The following DSCAML1 variants were observed in gnomAD, a reference collection of about 807,000 sequenced individuals.
DSCAML1 encodes the protein cell adhesion molecule DSCAML1.
A neutral mutation model predicts 200.5 loss-of-function variants in DSCAML1; 38 were observed. The ratio of observed to expected loss-of-function variants is 0.19; its 90% CI spans 0.15 to 0.25. DSCAML1 has a LOEUF of 0.25. DSCAML1 is among the 10% of genes least tolerant of loss of function. DSCAML1 has a pLI of 1.00. For missense variants in DSCAML1, 2,223 were observed against 2,858.8 expected (o/e 0.78, Z 5.07); for synonymous variants, 1,215 against 1,165.0 (o/e 1.04, Z -0.87).
intron 3 of DSCAML1, among the ~76,000 whole-genome samples, chr11:117,701,680 A>G (rs55945170): frequency 0.027 from 4,058 of 152,284 alleles, 80 homozygotes; most frequent in Non-Finnish European, 0.031. Flanking sequence ...TCAAACAAAA[A>G]TGCCGTGTCA....
chr11:117,811,436 T>A (rs1238208444), intron 1 of DSCAML1, among the ~76,000 whole-genome samples: 2 of 152,282 alleles, frequency 1.3e-5, no homozygotes, highest in East Asian at 3.9e-4. Flanking sequence ...AAAGTTGCAA[T>A]TCCTTACCTC....
In DSCAML1 at chr11:117,432,398, C is replaced by A. The variant is rs1442093461; in HGVS notation, c.5133G>T (p.Gln1711His). Residue 1711 changes from glutamine to histidine, a missense_variant, in exon 30 of 33, where the codon CAG becomes CAT. Gln to His is a conservative substitution (Grantham distance 24). Around this residue, in one of 7 missense-constraint regions of DSCAML1, gnomAD observed 614 missense variants for 739.1 expected, o/e 0.83. Coordinates refer to ENST00000651296, the MANE Select transcript of DSCAML1 (RefSeq NM_020693.4). Reference sequence around the variant, plus strand: ...ACATGTCGATGAGGGGTCCTGTGCTCTGGATGAGGGTTGGGTGGTGCAAGG... The same window carrying A: ...ACATGTCGATGAGGGGTCCTGTGCTATGGATGAGGGTTGGGTGGTGCAAGG... ...GVSLHHPTLI[Q>H]STGPLIDMSD... 11 of 1,614,102 alleles carry A rather than the reference C, an allele frequency of 6.8e-6. No homozygotes were observed. The highest frequency in any genetic ancestry group is 9.3e-6 in the Non-Finnish European group (11 of 1,180,036).
chr11:117,584,677 G>A (rs1478709259), intron 3 of DSCAML1, among the ~76,000 whole-genome samples: 1 of 152,196 alleles, frequency 6.6e-6, no homozygotes, highest in Non-Finnish European at 1.5e-5. Flanking sequence ...CAGCCACTTT[G>A]GTTGGTTTTG....
chr11:117,548,273 A>G (rs1300358667), intron 3 of DSCAML1, among the ~76,000 whole-genome samples: 1 of 152,186 alleles, frequency 6.6e-6, no homozygotes, highest in Non-Finnish European at 1.5e-5. Context: ...CCCCTCTAAC[A>G]GTCAAGGAAG....
chr11:117,496,711 A>G (rs2049295545), intron 11 of DSCAML1, among the ~76,000 whole-genome samples: 1 of 152,212 alleles, frequency 6.6e-6, no homozygotes, highest in Non-Finnish European at 1.5e-5. Flanking sequence ...ACCACTGGCT[A>G]AGGCCTCTAA....
At chr11:117,476,285 G>A (rs979350901) in intron 14 of DSCAML1, among the ~76,000 whole-genome samples, 1 of 152,150 alleles carries the variant, frequency 6.6e-6, no homozygotes, top group African/African-American at 2.4e-5. Flanking sequence ...TAGAGGGGAC[G>A]CAGCTTGGAG....
In DSCAML1 at chr11:117,524,892, A is replaced by T. The variant is rs2049947325; in HGVS notation, c.850T>A (p.Leu284Met). The T allele has an allele frequency of 1.2e-6, 2 of 1,612,898 alleles. No homozygotes were observed. The highest frequency in any genetic ancestry group is 1.7e-6 in the Non-Finnish European group (2 of 1,179,620). The change falls in exon 5 of 33, where the codon TTG becomes ATG. Residue 284 changes from leucine (L) to methionine (M), a missense_variant. By Grantham distance (15) the Leu-to-Met change is conservative. Transcript: ENST00000651296. ...TAGGTGCCGCTGTCCTCGGTCCGCA[A>T]GTCGCTGATGGTCAGCCCTGTGATG... ...KRITGLTISD[L>M]RTEDSGTYIC...
At chr11:117,751,038 T>TC (rs1349423629) in intron 3 of DSCAML1, among the ~76,000 whole-genome samples, 2 of 152,128 alleles carry the variant, frequency 1.3e-5, no homozygotes, top group African/African-American at 4.8e-5. Flanking sequence ...TTCTGAGGTT[T>TC]CCATTGGGGG....
chr11:117,461,646 G>C, intron 17 of DSCAML1, 50 bp from the exon 18 acceptor site: 1 of 1,563,678 alleles, frequency 6.4e-7, no homozygotes, highest in Non-Finnish European at 8.7e-7. Context: ...ATGGATGTGA[G>C]TGACAGTACA....
At chr11:117,567,388 T>C (rs1412771792) in intron 3 of DSCAML1, among the ~76,000 whole-genome samples, 1 of 152,128 alleles carries the variant, frequency 6.6e-6, no homozygotes, top group Non-Finnish European at 1.5e-5. Flanking sequence ...TTTTGAGAAG[T>C]GTCTGTTCAT....
At chr11:117,493,135 A>G (rs2049219721) in intron 11 of DSCAML1, among the ~76,000 whole-genome samples, 1 of 152,072 alleles carries the variant, frequency 6.6e-6, no homozygotes. Context: ...TGGACTGCAG[A>G]GCTGTTTCTG....
In DSCAML1 at chr11:117,465,119, T is replaced by C. The variant is rs1273061337; in HGVS notation, c.3088A>G (p.Ser1030Gly). ...RGYQIGYREN[S>G]PGSNGQYSIV... is the part of the protein sequence containing the mutation. Reference sequence around the variant, plus strand: ...CTGTACTGCCCGTTGCTGCCGGGGCTGTTCTCTCTGTAGCCAATCTGGTAG... The same window carrying C: ...CTGTACTGCCCGTTGCTGCCGGGGCCGTTCTCTCTGTAGCCAATCTGGTAG... The change falls in exon 17 of 33, where the codon AGC becomes GGC. Residue 1030 changes from serine to glycine, a missense_variant. Around this residue, in one of 7 missense-constraint regions of DSCAML1, gnomAD observed 438 missense variants for 629.7 expected, o/e 0.70. Coordinates refer to ENST00000651296, the MANE Select transcript of DSCAML1 (RefSeq NM_020693.4). 6.2e-7 allele frequency: 1 copy of C among 1,614,132 alleles called. No individual in the cohort carries two copies. The highest frequency in any genetic ancestry group is 2.2e-5 in the East Asian group (1 of 44,874).
At chr11:117,708,844 G>C (rs866906098) in intron 3 of DSCAML1, among the ~76,000 whole-genome samples, 1 of 152,270 alleles carries the variant, frequency 6.6e-6, no homozygotes, top group South Asian at 2.1e-4. Context: ...AGTACAAAGT[G>C]GGGGGTGGGA....
intron 3 of DSCAML1, among the ~76,000 whole-genome samples, chr11:117,759,573 G>A (rs1364966039): frequency 6.6e-6 from 1 of 151,996 alleles, no homozygotes; most frequent in Non-Finnish European, 1.5e-5. Flanking sequence ...TTGGGAGTAG[G>A]CTTCTCCATG....
intron 3 of DSCAML1, among the ~76,000 whole-genome samples, chr11:117,747,317 G>T (rs1304251888): frequency 6.6e-6 from 1 of 152,122 alleles, no homozygotes; most frequent in Non-Finnish European, 1.5e-5. Flanking sequence ...CTTGGGAGCG[G>T]GTTTCTTCAA....
intron 3 of DSCAML1, among the ~76,000 whole-genome samples, chr11:117,704,091 A>G (rs776862758): frequency 6.6e-6 from 1 of 150,576 alleles, no homozygotes; most frequent in Non-Finnish European, 1.5e-5. Flanking sequence ...GAAGAAGGAG[A>G]AAGTATGAGA....
In DSCAML1 at chr11:117,567,226, C is replaced by A. The variant is rs535747615; in HGVS notation, c.512-34704G>T. Among the ~76,000 whole-genome samples the A allele has an allele frequency of 9.8e-5, 15 of 152,300 alleles. No individual in the cohort carries two copies. In the South Asian group the frequency reaches 1.5e-3, roughly 15 times the overall value. ...TAAAAGTGTTCTTATTTCTCCACAT[C>A]CTCTCCAGCACCTGTTGTTTCCTGA... is the stretch of plus-strand genomic sequence containing the variant. On this transcript the variant is annotated intron_variant, in intron 3 of 32. Coordinates refer to ENST00000651296, the MANE Select transcript of DSCAML1 (RefSeq NM_020693.4).
chr11:117,656,646 G>C (rs2052742807), intron 3 of DSCAML1, among the ~76,000 whole-genome samples: 1 of 152,150 alleles, frequency 6.6e-6, no homozygotes, highest in African/African-American at 2.4e-5. Context: ...AGGCTTAGTA[G>C]GGTTAAGAAA....
intron 3 of DSCAML1, among the ~76,000 whole-genome samples, chr11:117,663,998 A>G (rs1303243379): frequency 2.0e-5 from 3 of 152,234 alleles, no homozygotes; most frequent in Non-Finnish European, 4.4e-5. Flanking sequence ...GCTCAGCGCC[A>G]TCACCAAACA....
Sources: gnomAD v4.1 joint callset for allele counts (sites outside exome capture counted in the v4.1 genomes callset) on GRCh38, gnomAD v4.1.1 for gene constraint, gnomAD v4.1.1 regional missense constraint, MANE v1.5 for transcripts, NCBI Gene and HGNC (gene_info 2026-07-23, HGNC 2026-07-21) for gene names.